Variants in WASHC4 observed in about 807,000 individuals in gnomAD.
WASHC4 encodes WASH complex subunit 7.
WASHC4 carries 86 observed loss-of-function variants against 166.6 expected under a neutral mutation model. The ratio of observed to expected loss-of-function variants is 0.52; its 90% CI spans 0.43 to 0.62. The LOEUF is 0.62. Among genes scored for constraint, WASHC4 ranks in the 20% least tolerant of loss-of-function variants. The pLI, the probability that WASHC4 is intolerant of heterozygous loss-of-function variation, is 0.00. For synonymous variants in WASHC4, 446 were observed against 451.6 expected, an observed-to-expected ratio of 0.99 and a Z score of 0.16; for missense variants, 1,262 against 1,382.4, an observed-to-expected ratio of 0.91 and a Z score of 1.38.
intron 24 of WASHC4, chr12:105,149,062 C>G (rs1238177917): frequency 1.0e-6 from 1 of 981,632 alleles, no homozygotes; most frequent in Non-Finnish European, 1.2e-6. Flanking sequence ...GTCACCTGTT[C>G]TAGAATATAA....
intron 22 of WASHC4, among the ~76,000 whole-genome samples, chr12:105,146,121 A>G (rs976048857): frequency 5.3e-5 from 8 of 152,298 alleles, no homozygotes; most frequent in African/African-American, 7.2e-5. Context: ...TCTGGCTACT[A>G]GTTTACTTTG....
At chr12:105,124,173 G>A (rs1881052636) in intron 10 of WASHC4, among the ~76,000 whole-genome samples, 1 of 148,622 alleles carries the variant, frequency 6.7e-6, no homozygotes, top group South Asian at 2.1e-4. Context: ...AGGCTGGAGT[G>A]CAGTGGAGCT....
chr12:105,148,157 G>C, intron 24 of WASHC4: 1 of 985,264 alleles, frequency 1.0e-6, no homozygotes, highest in Non-Finnish European at 1.2e-6. Flanking sequence ...CAGTGGAAAA[G>C]CATTGAAGAT....
chr12:105,152,905 G>A (rs1002066643), intron 26 of WASHC4, among the ~76,000 whole-genome samples: 2 of 151,538 alleles, frequency 1.3e-5, no homozygotes, highest in African/African-American at 2.4e-5. Flanking sequence ...CTGCCCTTAC[G>A]AGTGGAACTT....
chr12:105,109,534 C>G (rs555443173), intron 1 of WASHC4, among the ~76,000 whole-genome samples: 3 of 152,046 alleles, frequency 2.0e-5, no homozygotes, highest in Non-Finnish European at 2.9e-5. Flanking sequence ...ATTTTACAAC[C>G]GTTTATTGTC....
intron 10 of WASHC4, among the ~76,000 whole-genome samples, chr12:105,123,461 C>G (rs1197284507): frequency 6.6e-6 from 1 of 152,194 alleles, no homozygotes; most frequent in Non-Finnish European, 1.5e-5. Context: ...AGCATTACTG[C>G]TCATATGGAG....
At chr12:105,124,226 TCTC>T (rs561835818) in intron 10 of WASHC4, among the ~76,000 whole-genome samples, 60 of 151,728 alleles carry the variant, frequency 4.0e-4, no homozygotes, top group East Asian at 1.4e-3. Flanking sequence ...TTCAAGCAAT[TCTC>T]CTGCCTCAGC....
chr12:105,144,352 A>G lies in WASHC4; in HGVS notation c.2076A>G (p.Leu692=). ...KDLRLSVHTH[L]KLDDRNPFKV... ...TGCGACTTTCTGTGCATACTCATTT[A>G]AAGCTGGATGACCGAAACCCTTTCA... The change falls in exon 21 of 33, where the codon TTA becomes TTG. Residue 692 remains leucine, a synonymous_variant. Transcript: ENST00000332180. 6.2e-7 allele frequency: 1 copy of G among 1,613,524 alleles called. No individual in the cohort carries two copies. The highest frequency in any genetic ancestry group is 1.3e-5 in the African/African-American group (1 of 75,040).
intron 24 of WASHC4, 138 bp downstream of exon 24, chr12:105,147,284 G>A (rs956073641): frequency 3.6e-5 from 24 of 671,502 alleles, no homozygotes; most frequent in African/African-American, 5.4e-5. Context: ...TTTCTGGTTA[G>A]TAATTAAAAT....
intron 9 of WASHC4, 123 bp downstream of exon 9, chr12:105,121,327 G>T: frequency 1.5e-6 from 1 of 680,086 alleles, no homozygotes; most frequent in Non-Finnish European, 2.6e-6. Context: ...TATTTAGAAG[G>T]AGCTCATATC....
chr12:105,146,910 G>A (rs188997983), intron 23 of WASHC4, 132 bp from the exon 24 acceptor site: 4 of 705,952 alleles, frequency 5.7e-6, no homozygotes, highest in Non-Finnish European at 7.8e-6. Flanking sequence ...ATACTCACCT[G>A]TACTGTCTTG....
rs150846766 is a variant in WASHC4, at chr12:105,164,429, G to A, written c.3354+122G>A. The stretch of plus-strand genomic sequence containing the variant: ...ATTTTCACAAGTGAGATGAATAGTG[G>A]CAAAAAGATTATATTTTAAAATGAG... On this transcript the variant is annotated intron_variant, in intron 31 of 32. Transcript: ENST00000332180. 28 of 925,238 alleles carry A rather than the reference G, an allele frequency of 3.0e-5. No homozygotes were observed. The African/African-American group carries it at 3.8e-4, about 12-fold the overall frequency. The allele number at this position is 925,238 out of a possible 1,614,324, so 57.3% of individuals were successfully genotyped here.
intron 4 of WASHC4, 134 bp downstream of exon 4, chr12:105,114,561 G>A (rs546098136): frequency 5.8e-6 from 4 of 685,610 alleles, no homozygotes; most frequent in Admixed American, 2.4e-5. Flanking sequence ...ATACTAATAC[G>A]GACTACCATT....
chr12:105,107,974 A>C (rs73395740), intron 1 of WASHC4, 113 bp downstream of exon 1: 1 of 810,406 alleles, frequency 1.2e-6, no homozygotes. Context: ...CTGGTGCGGG[A>C]CACTTCAGAG....
intron 2 of WASHC4, among the ~76,000 whole-genome samples, chr12:105,112,372 CAT>C (rs1879780765): frequency 1.3e-5 from 2 of 152,180 alleles, no homozygotes; most frequent in Middle Eastern, 6.8e-3. Context: ...TTTGTGTAGA[CAT>C]ATATAAGTAT....
At chr12:105,162,460 T>C (rs1884558135) in intron 29 of WASHC4, among the ~76,000 whole-genome samples, 1 of 152,176 alleles carries the variant, frequency 6.6e-6, no homozygotes, top group Non-Finnish European at 1.5e-5. Flanking sequence ...GTGCATAATA[T>C]TTTATAATGA....
chr12:105,149,009 A>G, intron 24 of WASHC4: 2 of 977,622 alleles, frequency 2.0e-6, no homozygotes, highest in Non-Finnish European at 2.4e-6. Flanking sequence ...TTATTACAGT[A>G]GAGATTTAAT....
rs550778678 is a variant in WASHC4, at chr12:105,168,527, A to G, written c.*1596A>G. ...ATTGTTTTCTCTGTTTTTCTTCTCT[A>G]ACTTCTCTGAAATCATCTCCTATTA... On this transcript the variant is annotated 3_prime_UTR_variant, in exon 33 of 33. Transcript: ENST00000332180. The G allele has an allele frequency of 3.3e-5, 5 of 152,470 alleles. No homozygotes were observed. Among genetic ancestry groups the G allele is most frequent in the African/African-American group, 1.2e-4 (5 of 41,546 alleles). 9.4% of individuals were successfully genotyped at this position (152,470 alleles called of 1,614,324 possible).
chr12:105,152,493 C>T lies in WASHC4; in HGVS notation c.2758+42C>T, dbSNP rs768395133. On this transcript the variant is annotated intron_variant, in intron 26 of 32. Transcript: ENST00000332180. ...GTGTTGGGAAATCAGGTACAGATCC[C>T]TACAGTCTATCTCATATATTAACTA... 3.8e-6 allele frequency: 4 copies of T among 1,049,370 alleles called. No homozygotes were observed. The South Asian group carries it at 5.0e-5, about 13-fold the overall frequency. 65.0% of individuals were successfully genotyped at this position (1,049,370 alleles called of 1,614,324 possible).
Sources: allele counts gnomAD v4.1 joint callset (sites outside exome capture counted in the v4.1 genomes callset), GRCh38; gene constraint gnomAD v4.1.1; transcripts MANE v1.5; gene names NCBI Gene and HGNC (gene_info 2026-07-23, HGNC 2026-07-21).